PDZRN3: variants seen among roughly 807,000 people sequenced by gnomAD.
PDZRN3 encodes the protein PDZ domain containing ring finger 3.
PDZRN3 carries 38 observed loss-of-function variants against 85.7 expected under a neutral mutation model. The ratio of observed to expected loss-of-function variants is 0.44; its 90% CI spans 0.34 to 0.58. PDZRN3 has a LOEUF of 0.58. Ranked by LOEUF, PDZRN3 falls within the 20% of genes least tolerant of loss-of-function variation. The pLI is 0.01. For synonymous variants in PDZRN3, 759 were observed against 638.0 expected (o/e 1.19, Z -2.86); for missense variants, 1,629 against 1,506.4 (o/e 1.08, Z -1.35).
At chr3:73,569,296 AG>A in intron 3 of PDZRN3, 2 of 1,243,180 alleles carry the variant, frequency 1.6e-6, no homozygotes, top group Non-Finnish European at 2.1e-6. Context: ...TGAGATACTG[AG>A]ATTCTCTCAA....
intron 5 of PDZRN3, among the ~76,000 whole-genome samples, chr3:73,395,177 G>A (rs1701610684): frequency 6.6e-6 from 1 of 152,170 alleles, no homozygotes; most frequent in Admixed American, 6.5e-5. Flanking sequence ...CAGTATTTTG[G>A]GGCTCAGTGG....
intron 3 of PDZRN3, among the ~76,000 whole-genome samples, chr3:73,496,188 A>T (rs1216057616): frequency 2.6e-5 from 4 of 152,220 alleles, no homozygotes; most frequent in African/African-American, 9.6e-5. Context: ...CAGTACAAAG[A>T]ATAAAAAATA....
intron 3 of PDZRN3, among the ~76,000 whole-genome samples, chr3:73,597,742 C>CA (rs35587987): frequency 0.11 from 11,758 of 107,348 alleles, 619 homozygotes; most frequent in African/African-American, 0.19. Context: ...AAGCCATGAC[C>CA]AAAAAAAAAA....
chr3:73,395,944 C>T (rs936176859), intron 5 of PDZRN3, among the ~76,000 whole-genome samples: 5 of 152,160 alleles, frequency 3.3e-5, no homozygotes, highest in African/African-American at 4.8e-5. Context: ...AATAATGGGC[C>T]GGGTGCAGTG....
chr3:73,624,843 G>C lies in PDZRN3; in HGVS notation c.-18C>G, dbSNP rs919060316. Reference sequence around the variant, plus strand: ...AAGCCCATGGTGGCGGCCAGGCCCCGGGGTCGCCGCCGGGCGGCCGGGCGC... The same window carrying C: ...AAGCCCATGGTGGCGGCCAGGCCCCCGGGTCGCCGCCGGGCGGCCGGGCGC... On this transcript the variant is annotated 5_prime_UTR_variant, in exon 1 of 10. Transcript: ENST00000263666. 4.7e-6 allele frequency: 6 copies of C among 1,279,356 alleles called. No individual in the cohort carries two copies. The African/African-American group carries it at 9.2e-5, about 20-fold the overall frequency. The allele number at this position is 1,279,356 out of a possible 1,614,324, so 79.3% of individuals were successfully genotyped here. A position where few individuals can be genotyped will look rare whatever the true frequency, so the allele number is the denominator to read the frequency against.
intron 3 of PDZRN3, among the ~76,000 whole-genome samples, chr3:73,557,773 A>G (rs1009619778): frequency 6.6e-6 from 1 of 152,210 alleles, no homozygotes; most frequent in East Asian, 1.9e-4. Context: ...AAGGTATGCA[A>G]TTTAATAAAA....
Position 73,384,841 on chromosome 3 carries a change from G to C in PDZRN3, c.1725C>G (p.Asp575Glu), listed in dbSNP as rs765452154. ...AGCTCTCGTCATTACGGGTGCTCTC[G>C]TCGGTCCGCCCCACACCGCTGTCCT... Reference protein sequence around the residue: ...HEKDSGVGRTDESTRNDESSE... With the variant: ...HEKDSGVGRTEESTRNDESSE... The change falls in exon 10 of 10, where the codon GAC (aspartate) becomes GAG (glutamate). Residue 575 changes from aspartate to glutamate, a missense_variant. Physicochemically the swap from Asp to Glu is conservative, Grantham distance 45 (BLOSUM62 2). Transcript: ENST00000263666. 6.2e-7 allele frequency: 1 copy of C among 1,614,138 alleles called. No individual in the cohort carries two copies. The highest frequency in any genetic ancestry group is 8.5e-7 in the Non-Finnish European group (1 of 1,180,040).
intron 3 of PDZRN3, among the ~76,000 whole-genome samples, chr3:73,432,304 G>A (rs946332648): frequency 1.1e-4 from 16 of 152,168 alleles, no homozygotes; most frequent in South Asian, 4.1e-4. Context: ...GCTTTTGCCC[G>A]AGATCTCCAA....
chr3:73,449,378 G>A (rs1219789017), intron 3 of PDZRN3, among the ~76,000 whole-genome samples: 1 of 151,520 alleles, frequency 6.6e-6, no homozygotes, highest in African/African-American at 2.4e-5. Context: ...AAAAAAAAAA[G>A]AGAGAGAGGG....
chr3:73,425,369 C>A (rs563787891), intron 3 of PDZRN3, among the ~76,000 whole-genome samples: 1 of 152,172 alleles, frequency 6.6e-6, no homozygotes, highest in African/African-American at 2.4e-5. Flanking sequence ...GAGTAGATTT[C>A]AAAGGGTGAT....
intron 1 of PDZRN3, among the ~76,000 whole-genome samples, chr3:73,621,022 C>T (rs926618520): frequency 3.3e-5 from 5 of 152,256 alleles, no homozygotes; most frequent in East Asian, 3.8e-4. Context: ...TCTAGCTTAG[C>T]GGCTACTTAA....
chr3:73,428,799 C>T (rs561443826), intron 3 of PDZRN3, among the ~76,000 whole-genome samples: 15 of 152,048 alleles, frequency 9.9e-5, no homozygotes, highest in East Asian at 3.9e-4. Flanking sequence ...TGACAAATAA[C>T]GGCCATGTAT....
chr3:73,450,495 C>T (rs1702836923), intron 3 of PDZRN3, among the ~76,000 whole-genome samples: 1 of 152,174 alleles, frequency 6.6e-6, no homozygotes, highest in Non-Finnish European at 1.5e-5. Flanking sequence ...TAATCAGGCA[C>T]ATTAATAAGT....
chr3:73,512,452 T>C (rs1704184250), intron 3 of PDZRN3, among the ~76,000 whole-genome samples: 1 of 152,232 alleles, frequency 6.6e-6, no homozygotes, highest in Non-Finnish European at 1.5e-5. Context: ...TGCATATATT[T>C]ATGTGGACAA....
chr3:73,409,270 T>C (rs557346680), intron 3 of PDZRN3, among the ~76,000 whole-genome samples: 1 of 152,326 alleles, frequency 6.6e-6, no homozygotes, highest in South Asian at 2.1e-4. Flanking sequence ...ACAATTATGC[T>C]GAGGGCATGG....
chr3:73,593,066 G>A (rs562788794), intron 3 of PDZRN3, among the ~76,000 whole-genome samples: 57 of 149,954 alleles, frequency 3.8e-4, no homozygotes, highest in Middle Eastern at 3.4e-3. Flanking sequence ...TTGTGTTACA[G>A]CAACAGATGA....
In PDZRN3 at chr3:73,618,472, A is replaced by C. The variant is rs550409317; in HGVS notation, c.723+5631T>G. Among the ~76,000 whole-genome samples the C allele has an allele frequency of 4.9e-4, 74 of 152,288 alleles. 2 individuals are homozygous for C. The highest frequency in any genetic ancestry group is 1.7e-3 in the African/African-American group (69 of 41,550). On this transcript the variant is annotated intron_variant, in intron 1 of 9. Transcript: ENST00000263666. ...CTAACTTCTAGCCTTAATCTTTCAT[A>C]ATCTGCTACTCCCATTAAAAAAAGA...
At chr3:73,419,507 C>A (rs1702156991) in intron 3 of PDZRN3, among the ~76,000 whole-genome samples, 1 of 152,204 alleles carries the variant, frequency 6.6e-6, no homozygotes. Context: ...CGGCAGAGAA[C>A]AGCCACCAGG....
chr3:73,465,433 A>G (rs1703194247), intron 3 of PDZRN3, among the ~76,000 whole-genome samples: 1 of 152,202 alleles, frequency 6.6e-6, no homozygotes, highest in Admixed American at 6.5e-5. Flanking sequence ...ACCTGTTTCC[A>G]GCCTGCAGAA....
Sources: gnomAD v4.1 joint callset for allele counts (sites outside exome capture counted in the v4.1 genomes callset) on GRCh38, gnomAD v4.1.1 for gene constraint, MANE v1.5 for transcripts, NCBI Gene and HGNC (gene_info 2026-07-23, HGNC 2026-07-21) for gene names.